The following EFCAB6 variants were observed in gnomAD, a reference collection of about 807,000 sequenced individuals.
EFCAB6 encodes EF-hand calcium-binding domain-containing protein 6.
Under a neutral mutation model 169.8 loss-of-function variants are expected in EFCAB6, and 156 were observed. That is an observed-to-expected ratio of 0.92 (90% confidence interval 0.81 to 1.05). The LOEUF (loss-of-function observed/expected upper bound fraction) is 1.05. Ranked by LOEUF, EFCAB6 falls within the 50% of genes least tolerant of loss-of-function variation. The pLI is 0.00. For synonymous variants in EFCAB6, 698 were observed against 676.4 expected (o/e 1.03, Z -0.50); for missense variants, 1,800 against 1,829.1 (o/e 0.98, Z 0.29).
At chr22:43,745,385 C>G (rs1013249025) in intron 6 of EFCAB6, among the ~76,000 whole-genome samples, 1 of 152,228 alleles carries the variant, frequency 6.6e-6, no homozygotes, top group African/African-American at 2.4e-5. Context: ...CACAGCATAA[C>G]CCGCAGACGA....
intron 21 of EFCAB6, among the ~76,000 whole-genome samples, chr22:43,611,593 T>A (rs1354287091): frequency 6.6e-6 from 1 of 152,058 alleles, no homozygotes; most frequent in Non-Finnish European, 1.5e-5. Context: ...GCCCAGGAGT[T>A]CAAGACAAGT....
intron 27 of EFCAB6, among the ~76,000 whole-genome samples, chr22:43,541,690 A>G (rs182896588): frequency 4.3e-4 from 66 of 152,296 alleles, no homozygotes; most frequent in Admixed American, 1.6e-3. Flanking sequence ...TCAGACAGGA[A>G]TCAGCTCCCC....
Position 43,785,905 on chromosome 22 carries a change from A to G in EFCAB6, c.-7-3580T>C, listed in dbSNP as rs189129670. 7.0e-3 allele frequency among the ~76,000 whole-genome samples: 1,067 copies of G among 152,366 alleles called. 4 individuals carry two copies. Among genetic ancestry groups the G allele is most frequent in the South Asian group, 0.017 (84 of 4,830 alleles). ...ATTAGGTAACCTAGATATAATGGAAATATTCTTAGGAAGATGTAAGATACT... is the reference window on the plus strand; with the variant it reads ...ATTAGGTAACCTAGATATAATGGAAGTATTCTTAGGAAGATGTAAGATACT... On this transcript the variant is annotated intron_variant, in intron 2 of 31. Coordinates refer to ENST00000262726, the MANE Select transcript of EFCAB6 (RefSeq NM_022785.4).
chr22:43,625,442 A>G (rs779861189), intron 20 of EFCAB6, among the ~76,000 whole-genome samples: 11 of 152,204 alleles, frequency 7.2e-5, no homozygotes, highest in African/African-American at 9.6e-5. Flanking sequence ...TACTTCATTC[A>G]TGTCGGCTCT....
At chr22:43,797,467 CA>C (rs1376667305) in intron 2 of EFCAB6, 2 of 152,510 alleles carry the variant, frequency 1.3e-5, no homozygotes, top group East Asian at 3.9e-4. Flanking sequence ...CAGCAATTTG[CA>C]AGCTACCGGA....
At chr22:43,660,094 G>A (rs2056931819) in intron 17 of EFCAB6, among the ~76,000 whole-genome samples, 2 of 152,212 alleles carry the variant, frequency 1.3e-5, no homozygotes, top group Non-Finnish European at 2.9e-5. Context: ...AATGTCCAAT[G>A]TGTTCACAGA....
intron 26 of EFCAB6, among the ~76,000 whole-genome samples, chr22:43,565,514 T>TAGG (rs1209563516): frequency 6.6e-6 from 1 of 152,156 alleles, no homozygotes; most frequent in East Asian, 1.9e-4. Flanking sequence ...AATGGACATA[T>TAGG]TGCAAAGGGG....
intron 20 of EFCAB6, among the ~76,000 whole-genome samples, chr22:43,619,890 G>C (rs1457564606): frequency 6.6e-6 from 1 of 152,102 alleles, no homozygotes; most frequent in Non-Finnish European, 1.5e-5. Context: ...CATTTAAGAA[G>C]CTCAGTAAAT....
intron 19 of EFCAB6, 35 bp from the exon 20 acceptor site, chr22:43,626,714 C>T (rs2054551945): frequency 6.2e-7 from 1 of 1,609,046 alleles, no homozygotes; most frequent in East Asian, 2.2e-5. Flanking sequence ...AGCCCTTCCC[C>T]AAGAGCCCCG....
chr22:43,567,352 G>A (rs2049513374), intron 26 of EFCAB6, among the ~76,000 whole-genome samples: 1 of 152,288 alleles, frequency 6.6e-6, no homozygotes. Context: ...ATTCATGGGT[G>A]AAGTCATTTA....
At chr22:43,741,940 C>T (rs1163531135) in intron 6 of EFCAB6, among the ~76,000 whole-genome samples, 2 of 152,096 alleles carry the variant, frequency 1.3e-5, no homozygotes, top group Non-Finnish European at 2.9e-5. Flanking sequence ...AAATCCCCAG[C>T]GCCTGGCGGG....
chr22:43,779,129 T>A (rs2061731536), intron 3 of EFCAB6, among the ~76,000 whole-genome samples: 1 of 152,164 alleles, frequency 6.6e-6, no homozygotes, highest in Non-Finnish European at 1.5e-5. Context: ...GAAAAAAATC[T>A]AAAAATTAAA....
Position 43,678,002 on chromosome 22 carries a change from G to A in EFCAB6, c.1413C>T (p.Asn471=). 1.9e-6 allele frequency: 3 copies of A among 1,613,030 alleles called. No homozygotes were observed. Among genetic ancestry groups the A allele is most frequent in the Non-Finnish European group, 2.5e-6 (3 of 1,179,604 alleles). Residue 471 remains asparagine, a synonymous_variant, in exon 13 of 32, where the codon AAC becomes AAT. Transcript: ENST00000262726. ...TSMFIDLIEE[N]CRMRKTSPCT... ...AAGTTGTTACAAAACTCACCCTACAGTTCTCTTCAATCAGATCAATAAACA... is the reference window on the plus strand; with the variant it reads ...AAGTTGTTACAAAACTCACCCTACAATTCTCTTCAATCAGATCAATAAACA...
chr22:43,583,383 T>G (rs1238642351), intron 24 of EFCAB6, among the ~76,000 whole-genome samples: 1 of 151,752 alleles, frequency 6.6e-6, no homozygotes, highest in Non-Finnish European at 1.5e-5. Context: ...GTTGCAATAG[T>G]CGTTTCAGAT....
At chr22:43,595,502 TG>T (rs1044203221) in intron 23 of EFCAB6, among the ~76,000 whole-genome samples, 20 of 152,072 alleles carry the variant, frequency 1.3e-4, no homozygotes, top group African/African-American at 4.6e-4. Flanking sequence ...TGCTGACAAA[TG>T]GGAAAACCTA....
intron 17 of EFCAB6, among the ~76,000 whole-genome samples, chr22:43,645,921 G>A (rs1468144276): frequency 2.0e-5 from 3 of 152,058 alleles, no homozygotes; most frequent in Non-Finnish European, 2.9e-5. Flanking sequence ...CAATGTCAAG[G>A]GGAATTCCAG....
chr22:43,553,837 G>C (rs1163757027), intron 27 of EFCAB6: 1 of 152,650 alleles, frequency 6.6e-6, no homozygotes, highest in African/African-American at 2.4e-5. Flanking sequence ...GTCCTTAGGG[G>C]AGGAGGCTGG....
At chr22:43,673,134 A>T (rs547372528) in intron 13 of EFCAB6, among the ~76,000 whole-genome samples, 4 of 152,196 alleles carry the variant, frequency 2.6e-5, no homozygotes, top group Non-Finnish European at 5.9e-5. Context: ...ATACTATTTG[A>T]CAATTTGATA....
intron 26 of EFCAB6, among the ~76,000 whole-genome samples, chr22:43,575,100 T>G (rs867905458): frequency 4.6e-5 from 7 of 152,362 alleles, no homozygotes; most frequent in Middle Eastern, 3.4e-3. Context: ...ACAACCTGCA[T>G]GTTCATTAAC....
Sources: gnomAD v4.1 joint callset for allele counts (sites outside exome capture counted in the v4.1 genomes callset) on GRCh38, gnomAD v4.1.1 for gene constraint, MANE v1.5 for transcripts, NCBI Gene and HGNC (gene_info 2026-07-23, HGNC 2026-07-21) for gene names.